SCUBE2: variants seen among roughly 807,000 people sequenced by gnomAD.
SCUBE2 encodes signal peptide, CUB and EGF-like domain-containing protein 2.
SCUBE2 carries 114 observed loss-of-function variants against 125.9 expected under a neutral mutation model. The ratio of observed to expected loss-of-function variants is 0.91; its 90% CI spans 0.78 to 1.06. SCUBE2 has a LOEUF of 1.06. Ranked by LOEUF, SCUBE2 falls within the 50% of genes least tolerant of loss-of-function variation. SCUBE2 has a pLI of 0.00. For synonymous variants in SCUBE2, 459 were observed against 492.9 expected, an observed-to-expected ratio of 0.93 and a Z score of 0.91; for missense variants, 1,255 against 1,301.8, an observed-to-expected ratio of 0.96 and a Z score of 0.55.
At chr11:9,030,255 A>C in intron 18 of SCUBE2, 1 of 591,702 alleles carries the variant, frequency 1.7e-6, no homozygotes, top group Non-Finnish European at 3.0e-6. Flanking sequence ...GGAACAAGAT[A>C]TGTGTGTATC....
chr11:9,050,562 C>A, intron 14 of SCUBE2, 44 bp downstream of exon 14: 1 of 1,505,158 alleles, frequency 6.6e-7, no homozygotes, highest in South Asian at 1.1e-5. Flanking sequence ...AGGCCCCTTC[C>A]CACATGCAGG....
intron 16 of SCUBE2, among the ~76,000 whole-genome samples, chr11:9,038,334 G>A (rs566356594): frequency 6.6e-6 from 1 of 152,272 alleles, no homozygotes; most frequent in South Asian, 2.1e-4. Context: ...TCTGAACAGA[G>A]ACCAGAATAA....
chr11:9,084,449 A>G (rs1861898346), intron 2 of SCUBE2, among the ~76,000 whole-genome samples: 1 of 152,216 alleles, frequency 6.6e-6, no homozygotes, highest in African/African-American at 2.4e-5. Flanking sequence ...GGATGCTAAC[A>G]TCAGTGGATG....
chr11:9,029,289 C>T (rs533948407), intron 19 of SCUBE2, among the ~76,000 whole-genome samples: 8 of 152,356 alleles, frequency 5.3e-5, no homozygotes, highest in Middle Eastern at 3.4e-3. Context: ...AGACTCCCTT[C>T]GGCACATTCT....
At chr11:9,090,493 T>TTTA (rs1862588264) in intron 1 of SCUBE2, 3 of 45,392 alleles carry the variant, frequency 6.6e-5, no homozygotes, top group African/African-American at 1.1e-4. Flanking sequence ...TTATTTATTT[T>TTTA]TTTTTTTTGC....
At position 9,020,402 on chromosome 11, in the gene SCUBE2, G is replaced by C. The variant is rs1015611513; in HGVS notation, c.*643C>G. 6 of 152,078 alleles carry C rather than the reference G, an allele frequency of 3.9e-5. No individual in the cohort carries two copies. Among genetic ancestry groups the C allele is most frequent in the Non-Finnish European group, 8.8e-5 (6 of 68,000 alleles). 9.4% of individuals were successfully genotyped at this position (152,078 alleles called of 1,614,324 possible). A position where few individuals can be genotyped will look rare whatever the true frequency, so the allele number is the denominator to read the frequency against. ...TGTACATTATTATGTCTCCAGAAGTGCTTAGTTTTTATTTATTTCTAATTC... is the reference window on the plus strand; with the variant it reads ...TGTACATTATTATGTCTCCAGAAGTCCTTAGTTTTTATTTATTTCTAATTC... On this transcript the variant is annotated 3_prime_UTR_variant, in exon 23 of 23. Transcript: ENST00000649792.
At chr11:9,039,405 T>C (rs1469703866) in intron 16 of SCUBE2, among the ~76,000 whole-genome samples, 1 of 152,208 alleles carries the variant, frequency 6.6e-6, no homozygotes, top group South Asian at 2.1e-4. Flanking sequence ...GGCTTTCCAC[T>C]TGAGCAACTG....
chr11:9,022,015 T>C, intron 21 of SCUBE2, 60 bp from the exon 22 acceptor site: 7 of 1,268,150 alleles, frequency 5.5e-6, no homozygotes, highest in Non-Finnish European at 6.9e-6. Context: ...AAACTCACTC[T>C]TTCACTTTTT....
intron 16 of SCUBE2, among the ~76,000 whole-genome samples, chr11:9,045,122 T>C (rs967693264): frequency 2.6e-5 from 4 of 152,234 alleles, no homozygotes; most frequent in African/African-American, 9.6e-5. Flanking sequence ...GTTTCTTTAT[T>C]GCTGGATTCC....
intron 9 of SCUBE2, among the ~76,000 whole-genome samples, chr11:9,058,835 A>C (rs953874366): frequency 6.6e-6 from 1 of 152,090 alleles, no homozygotes; most frequent in South Asian, 2.1e-4. Flanking sequence ...TGCTATAAGA[A>C]AGAGACCAAT....
At chr11:9,063,554 C>T (rs1859891200) in intron 7 of SCUBE2, among the ~76,000 whole-genome samples, 1 of 152,218 alleles carries the variant, frequency 6.6e-6, no homozygotes, top group African/African-American at 2.4e-5. Flanking sequence ...AAAATTCTTT[C>T]CAACTCTGAA....
chr11:9,021,102 T>G lies in SCUBE2; in HGVS notation c.3030A>C (p.Arg1010Ser), dbSNP rs1855257281. The change falls in exon 23 of 23, where the codon AGA (arginine) becomes AGC (serine). Residue 1010 changes from arginine (R) to serine (S), a missense_variant. Physicochemically the swap from Arg to Ser is moderately radical, Grantham distance 110. Coordinates refer to ENST00000649792, the MANE Select transcript of SCUBE2 (RefSeq NM_001367977.2). ...TAQESREMFP[R>S]SFIRLLRSKV... is the part of the protein sequence containing the mutation. The stretch of plus-strand genomic sequence containing the variant: ...TGGAACGTAGCAATCGGATGAACGA[T>G]CTTGGAAACATCTCTCGGGACTCCT... 1 of 1,613,830 alleles carries G rather than the reference T, an allele frequency of 6.2e-7. No homozygotes were observed.
chr11:9,060,418 C>G lies in SCUBE2; in HGVS notation c.957G>C (p.Lys319Asn), dbSNP rs779022857. Residue 319 changes from lysine (K) to asparagine (N), a missense_variant, in exon 8 of 23, where the codon AAG (lysine) becomes AAC (asparagine). This residue lies in a region of SCUBE2 where 378 missense variants were observed against 463.1 expected (regional missense o/e 0.82). Coordinates refer to ENST00000649792, the MANE Select transcript of SCUBE2 (RefSeq NM_001367977.2). The stretch of plus-strand genomic sequence containing the variant: ...GGAGGTGAAGGCTACCTTTACATGT[C>G]TTCCCATCCAACTGGAGAGTGAATC... ...PVGFTLQLDGKTCKDIDECQT... is the reference protein window; with the variant it reads ...PVGFTLQLDGNTCKDIDECQT... The G allele has an allele frequency of 1.2e-6, 2 of 1,613,638 alleles. No homozygotes were observed. The highest frequency in any genetic ancestry group is 1.7e-6 in the Non-Finnish European group (2 of 1,179,656).
chr11:9,075,591 A>T (rs765928541), intron 3 of SCUBE2, among the ~76,000 whole-genome samples: 9 of 152,206 alleles, frequency 5.9e-5, no homozygotes, highest in Non-Finnish European at 8.8e-5. Flanking sequence ...CAGGCAATGA[A>T]GTGCCTACTT....
Position 9,029,900 on chromosome 11 carries a change from G to A in SCUBE2, c.2487C>T (p.Asn829=). The A allele has an allele frequency of 6.2e-7, 1 of 1,614,154 alleles. No individual in the cohort carries two copies. The highest frequency in any genetic ancestry group is 8.5e-7 in the Non-Finnish European group (1 of 1,180,028). Residue 829 remains asparagine (N), a synonymous_variant, in exon 19 of 23, where the codon AAC becomes AAT. Coordinates refer to ENST00000649792, the MANE Select transcript of SCUBE2 (RefSeq NM_001367977.2). The part of the protein sequence containing the change: ...NTTTDFDGST[N]ITQCKNRRCG... The stretch of plus-strand genomic sequence containing the variant: ...GGGACCTACTTTTACACTGGGTTAT[G>A]TTTGTGGAGCCATCAAAGTCAGTCG...
At chr11:9,074,733 C>T in intron 3 of SCUBE2, 118 bp from the exon 4 acceptor site, 2 of 1,148,182 alleles carry the variant, frequency 1.7e-6, no homozygotes, top group Non-Finnish European at 2.5e-6. Context: ...CCCTGCACCA[C>T]AGAAGCTTTC....
At chr11:9,079,146 C>T (rs1319845342) in intron 3 of SCUBE2, among the ~76,000 whole-genome samples, 2 of 152,144 alleles carry the variant, frequency 1.3e-5, no homozygotes, top group East Asian at 1.9e-4. Context: ...GCTAGAAAGT[C>T]AATAAATAGT....
chr11:9,062,535 C>T (rs1157927350), intron 7 of SCUBE2, among the ~76,000 whole-genome samples: 1 of 152,064 alleles, frequency 6.6e-6, no homozygotes, highest in Non-Finnish European at 1.5e-5. Context: ...TCTGGAAAGC[C>T]TCTAATACGG....
chr11:9,024,503 TCC>T (rs1855559984), intron 21 of SCUBE2: 2 of 872,212 alleles, frequency 2.3e-6, no homozygotes, highest in Non-Finnish European at 3.2e-6. Flanking sequence ...GCACTTGTCA[TCC>T]TAAAATCCTT....
Sources: gnomAD v4.1 joint callset for allele counts (sites outside exome capture counted in the v4.1 genomes callset) on GRCh38, gnomAD v4.1.1 for gene constraint, gnomAD v4.1.1 regional missense constraint, MANE v1.5 for transcripts, NCBI Gene and HGNC (gene_info 2026-07-23, HGNC 2026-07-21) for gene names.